Variants in FBN2 observed in about 807,000 individuals in gnomAD.
FBN2 encodes fibrillin-2.
In FBN2, 105 loss-of-function variants were observed where a neutral mutation model predicts 355.6. That is an observed-to-expected ratio of 0.30 (90% CI 0.25 to 0.35). FBN2 has a LOEUF of 0.35. Ranked by LOEUF, FBN2 falls within the 10% of genes least tolerant of loss-of-function variation. The probability of loss-of-function intolerance (pLI) is 1.00; values close to 1 mark genes in which losing one functional copy is unlikely to be tolerated. For missense variants in FBN2, 3,280 were observed against 3,758.7 expected (o/e 0.87, Z 3.33); for synonymous variants, 1,350 against 1,301.2 (o/e 1.04, Z -0.81).
intron 6 of FBN2, 45 bp from the exon 7 acceptor site, chr5:128,446,651 G>A: frequency 6.2e-7 from 1 of 1,602,262 alleles, no homozygotes; most frequent in Non-Finnish European, 8.5e-7. Flanking sequence ...CTGGTTTTCA[G>A]AATATCTATA....
intron 6 of FBN2, among the ~76,000 whole-genome samples, chr5:128,458,162 T>G (rs1172224728): frequency 6.6e-6 from 1 of 152,100 alleles, no homozygotes; most frequent in African/African-American, 2.4e-5. Context: ...ATGCAGGGGT[T>G]GCAATCCTAG....
At chr5:128,310,377 T>C (rs1215747203) in intron 39 of FBN2, among the ~76,000 whole-genome samples, 5 of 11,290 alleles carry the variant, frequency 4.4e-4, no homozygotes, top group Non-Finnish European at 6.3e-4. Context: ...TATATATATA[T>C]ATATATATAT....
At chr5:128,429,856 T>TACA (rs1473759941) in intron 7 of FBN2, among the ~76,000 whole-genome samples, 1 of 152,174 alleles carries the variant, frequency 6.6e-6, no homozygotes, top group African/African-American at 2.4e-5. Context: ...TTTCTAAGCC[T>TACA]ACAATTAAAT....
chr5:128,287,819 A>G (rs991282188), intron 53 of FBN2, among the ~76,000 whole-genome samples: 45 of 152,138 alleles, frequency 3.0e-4, no homozygotes, highest in Non-Finnish European at 5.9e-5. Context: ...GAGGGGAGGG[A>G]ATCTTAGGGC....
intron 59 of FBN2, among the ~76,000 whole-genome samples, chr5:128,275,046 A>C (rs1765355522): frequency 6.6e-6 from 1 of 152,170 alleles, no homozygotes; most frequent in Non-Finnish European, 1.5e-5. Context: ...GGAAGGATTA[A>C]ATAAAAATGA....
chr5:128,395,246 G>T lies in FBN2; in HGVS notation c.1107C>A (p.Gly369=). The change falls in exon 9 of 65, where the codon GGC becomes GGA. Residue 369 remains glycine, a synonymous_variant. Transcript: ENST00000262464. ...CTTGTGCACAGCGGCCATTCACCAG[G>T]CCCGAGAAACACATGCCTGTTCTCT... ...IDQRTGMCFS[G]LVNGRCAQEL... is the part of the protein sequence containing the mutation. 1 of 1,614,044 alleles carries T rather than the reference G, an allele frequency of 6.2e-7. No homozygotes were observed. The highest frequency in any genetic ancestry group is 8.5e-7 in the Non-Finnish European group (1 of 1,180,008).
At chr5:128,439,545 C>A (rs1372137128) in intron 7 of FBN2, among the ~76,000 whole-genome samples, 2 of 152,054 alleles carry the variant, frequency 1.3e-5, no homozygotes, top group South Asian at 2.1e-4. Flanking sequence ...ATTTCCCTTG[C>A]CATCAATAGT....
intron 62 of FBN2, among the ~76,000 whole-genome samples, chr5:128,266,542 T>A (rs1704575728): frequency 6.6e-6 from 1 of 152,194 alleles, no homozygotes; most frequent in Admixed American, 6.5e-5. Flanking sequence ...TAAGTCAGAC[T>A]ATTTTAGATA....
At chr5:128,521,198 A>G (rs1225649126) in intron 4 of FBN2, among the ~76,000 whole-genome samples, 1 of 152,122 alleles carries the variant, frequency 6.6e-6, no homozygotes, top group African/African-American at 2.4e-5. Flanking sequence ...AAAAAGGAAC[A>G]ACATAATGTC....
At chr5:128,332,786 T>G in intron 32 of FBN2, 126 bp downstream of exon 32, 2 of 976,184 alleles carry the variant, frequency 2.0e-6, no homozygotes, top group South Asian at 1.3e-5. Context: ...AGGAATTATC[T>G]TGCAACTAAG....
intron 55 of FBN2, among the ~76,000 whole-genome samples, chr5:128,285,290 T>C (rs1340835582): frequency 6.6e-6 from 1 of 152,220 alleles, no homozygotes; most frequent in African/African-American, 2.4e-5. Context: ...TAAATACTTT[T>C]TCTTTGTAAT....
chr5:128,537,443 G>C lies in FBN2; in HGVS notation c.161C>G (p.Ser54Cys). The part of the protein sequence containing the change: ...PQQVRSATAG[S>C]EGGFLAPEYR... ...CTCGGGCGCTAGAAACCCGCCTTCA[G>C]AGCCTGCTGTAGCGGACCGAACCTG... Residue 54 changes from serine to cysteine, a missense_variant, in exon 1 of 65, where the codon TCT (serine) becomes TGT (cysteine). This residue lies in a region of FBN2 where 203 missense variants were observed against 142.2 expected (regional missense o/e 1.43). Transcript: ENST00000262464. 6.2e-7 allele frequency: 1 copy of C among 1,608,718 alleles called. No homozygotes were observed. Among genetic ancestry groups the C allele is most frequent in the Non-Finnish European group, 8.5e-7 (1 of 1,178,736 alleles).
At chr5:128,346,655 C>T (rs886757319) in intron 23 of FBN2, among the ~76,000 whole-genome samples, 1 of 151,784 alleles carries the variant, frequency 6.6e-6, no homozygotes, top group African/African-American at 2.4e-5. Context: ...TTGCCCAGAC[C>T]AGGTGTGGCG....
At chr5:128,401,774 C>T (rs1415848364) in intron 8 of FBN2, among the ~76,000 whole-genome samples, 5 of 152,024 alleles carry the variant, frequency 3.3e-5, no homozygotes, top group African/African-American at 7.2e-5. Flanking sequence ...AGCAAGATTC[C>T]GTCTCAAAGA....
chr5:128,394,680 T>C (rs1752600455), intron 9 of FBN2, among the ~76,000 whole-genome samples: 1 of 152,226 alleles, frequency 6.6e-6, no homozygotes, highest in Non-Finnish European at 1.5e-5. Context: ...TTATCAAAAC[T>C]GATCCTAAAT....
At chr5:128,429,186 G>A (rs1480617287) in intron 7 of FBN2, among the ~76,000 whole-genome samples, 1 of 152,120 alleles carries the variant, frequency 6.6e-6, no homozygotes, top group African/African-American at 2.4e-5. Flanking sequence ...TCTAGTTCAT[G>A]GATGACACTT....
chr5:128,391,553 T>A (rs1363184085), intron 11 of FBN2, among the ~76,000 whole-genome samples: 1 of 152,158 alleles, frequency 6.6e-6, no homozygotes, highest in East Asian at 1.9e-4. Flanking sequence ...TAGGTAATTA[T>A]CAAAGTAGAG....
intron 63 of FBN2, among the ~76,000 whole-genome samples, chr5:128,262,345 C>T (rs1173553448): frequency 6.6e-6 from 1 of 152,220 alleles, no homozygotes; most frequent in Non-Finnish European, 1.5e-5. Flanking sequence ...AGGGATGAGC[C>T]ACAATCCCCT....
In FBN2 at chr5:128,290,892, A is replaced by T. The variant is rs375682913; in HGVS notation, c.6293-8T>A. The T allele has an allele frequency of 6.7e-5, 108 of 1,613,178 alleles. No individual in the cohort carries two copies. The highest frequency in any genetic ancestry group is 9.1e-5 in the Non-Finnish European group (107 of 1,179,308). ...AGAAGCTCTGGCGAGTATCTAATCAAAAAAGCAAACATTACAGATGGAATT... is the reference window on the plus strand; with the variant it reads ...AGAAGCTCTGGCGAGTATCTAATCATAAAAGCAAACATTACAGATGGAATT... On this transcript the variant is annotated splice_polypyrimidine_tract_variant and splice_region_variant and intron_variant, in intron 49 of 64. Coordinates refer to ENST00000262464, the MANE Select transcript of FBN2 (RefSeq NM_001999.4).
Sources: gnomAD v4.1 joint callset for allele counts (sites outside exome capture counted in the v4.1 genomes callset) on GRCh38, gnomAD v4.1.1 for gene constraint, gnomAD v4.1.1 regional missense constraint, MANE v1.5 for transcripts, NCBI Gene and HGNC (gene_info 2026-07-23, HGNC 2026-07-21) for gene names.